Variants in APPL2 observed in about 807,000 individuals in gnomAD.
APPL2 encodes the protein adaptor protein, phosphotyrosine interacting with PH domain and leucine zipper 2, also known as DCC-interacting protein 13-beta.
Under a neutral mutation model 92.7 loss-of-function variants are expected in APPL2, and 84 were observed. That is an observed-to-expected ratio of 0.91 (90% confidence interval 0.76 to 1.09). The LOEUF (loss-of-function observed/expected upper bound fraction) is 1.09. Ranked by LOEUF, APPL2 falls within the 50% of genes least tolerant of loss-of-function variation. The pLI, the probability that APPL2 is intolerant of heterozygous loss-of-function variation, is 0.00. For missense variants in APPL2, 736 were observed against 824.5 expected, an observed-to-expected ratio of 0.89 and a Z score of 1.31; for synonymous variants, 291 against 291.0, an observed-to-expected ratio of 1.00 and a Z score of 0.00.
chr12:105,189,944 CAA>C (rs773173237), intron 15 of APPL2, 45 bp downstream of exon 15: 1 of 1,611,802 alleles, frequency 6.2e-7, no homozygotes, highest in East Asian at 2.2e-5. Flanking sequence ...CAAGATACCT[CAA>C]ATTTACTTTC....
intron 2 of APPL2, among the ~76,000 whole-genome samples, chr12:105,222,865 A>T (rs1890209362): frequency 6.6e-6 from 1 of 152,214 alleles, no homozygotes; most frequent in South Asian, 2.1e-4. Flanking sequence ...AAGGAAGAAA[A>T]GGTGTCAGAG....
At chr12:105,231,455 T>G (rs539950532) in intron 1 of APPL2, among the ~76,000 whole-genome samples, 1 of 152,312 alleles carries the variant, frequency 6.6e-6, no homozygotes, top group African/African-American at 2.4e-5. Context: ...CCAAGGTAGA[T>G]TCCATGGTTC....
At chr12:105,198,097 G>T (rs543209346) in intron 10 of APPL2, 144 bp from the exon 11 acceptor site, 21 of 763,874 alleles carry the variant, frequency 2.7e-5, no homozygotes, top group Non-Finnish European at 4.4e-5. Flanking sequence ...GCCCATTCAA[G>T]TGGAAAGAGC....
intron 19 of APPL2, 106 bp downstream of exon 19, chr12:105,176,770 A>G: frequency 7.1e-7 from 1 of 1,404,852 alleles, no homozygotes; most frequent in Non-Finnish European, 9.7e-7. Flanking sequence ...GGATGGAGAC[A>G]TGCAGAATAA....
chr12:105,235,928 G>C (rs948225358), intron 1 of APPL2, 31 bp downstream of exon 1: 10 of 1,235,790 alleles, frequency 8.1e-6, no homozygotes, highest in Non-Finnish European at 9.2e-6. Flanking sequence ...TCACCCCTGC[G>C]GGCGAGGGGC....
chr12:105,207,566 T>C (rs1162560843), intron 7 of APPL2, among the ~76,000 whole-genome samples: 1 of 152,332 alleles, frequency 6.6e-6, no homozygotes, highest in Non-Finnish European at 1.5e-5. Flanking sequence ...AAGGAAATCA[T>C]GTAACAGAAG....
Position 105,177,226 on chromosome 12 carries a change from A to T in APPL2, c.1671T>A (p.Asn557Lys). The change falls in exon 18 of 21, where the codon AAT becomes AAA. Residue 557 changes from asparagine (N) to lysine (K), a missense_variant and splice_region_variant. Transcript: ENST00000258530. ...ACATGAACCTGTATGCGGTACTTAC[A>T]TTGGCCCTTGATACTTGAGTCTGTG... Reference protein sequence around the residue: ...IDPQTQVSRANFELTSVTQFA... With the variant: ...IDPQTQVSRAKFELTSVTQFA... 1.9e-6 allele frequency: 3 copies of T among 1,613,988 alleles called. No homozygotes were observed. Among genetic ancestry groups the T allele is most frequent in the Non-Finnish European group, 2.5e-6 (3 of 1,179,846 alleles).
intron 19 of APPL2, 165 bp downstream of exon 19, chr12:105,176,711 C>T (rs1885578227): frequency 9.5e-6 from 8 of 845,008 alleles, no homozygotes; most frequent in African/African-American, 3.4e-5. Flanking sequence ...AAATTTAAAT[C>T]GAGTTTTCTT....
At chr12:105,195,750 AG>A in intron 11 of APPL2, 123 bp from the exon 12 acceptor site, 1 of 1,093,404 alleles carries the variant, frequency 9.1e-7, no homozygotes, top group Non-Finnish European at 1.4e-6. Context: ...GCATGATGAG[AG>A]GGAAAGAAAA....
intron 10 of APPL2, among the ~76,000 whole-genome samples, chr12:105,199,045 G>C (rs3829297): frequency 0.13 from 19,181 of 152,166 alleles, 1,325 homozygotes; most frequent in East Asian, 0.25. Flanking sequence ...CAGCTGGTGT[G>C]GGGGAAGTGG....
chr12:105,201,206 G>T (rs552000568), intron 9 of APPL2, among the ~76,000 whole-genome samples: 1 of 152,308 alleles, frequency 6.6e-6, no homozygotes, highest in South Asian at 2.1e-4. Context: ...ACTGCTCCTG[G>T]TCAGCCCCTC....
chr12:105,209,293 G>A (rs1032402738), intron 5 of APPL2, among the ~76,000 whole-genome samples: 2 of 152,000 alleles, frequency 1.3e-5, no homozygotes, highest in African/African-American at 4.8e-5. Context: ...GTATGACCTG[G>A]GGCCAAATAC....
At chr12:105,177,044 T>C (rs1338491360) in intron 18 of APPL2, 28 bp from the exon 19 acceptor site, 4 of 1,613,280 alleles carry the variant, frequency 2.5e-6, no homozygotes, top group Non-Finnish European at 3.4e-6. Context: ...AGGCAACAGA[T>C]CATACAACTA....
chr12:105,234,842 AAAAC>A (rs1157657357), intron 1 of APPL2, among the ~76,000 whole-genome samples: 16 of 152,294 alleles, frequency 1.1e-4, no homozygotes, highest in Non-Finnish European at 1.6e-4. Context: ...ACCAAAAAAC[AAAAC>A]AAACAAACAA....
chr12:105,227,586 C>T (rs1174157987), intron 2 of APPL2, among the ~76,000 whole-genome samples: 2 of 152,182 alleles, frequency 1.3e-5, no homozygotes, highest in Non-Finnish European at 1.5e-5. Flanking sequence ...TTGATTCATC[C>T]TTTACCACCT....
At chr12:105,232,138 C>CTATTTT (rs1241792515) in intron 1 of APPL2, among the ~76,000 whole-genome samples, 1 of 152,182 alleles carries the variant, frequency 6.6e-6, no homozygotes, top group Non-Finnish European at 1.5e-5. Flanking sequence ...AACTAAATAG[C>CTATTTT]TATTTTTATT....
rs1435348840 is a variant in APPL2 at position 105,190,033 on chromosome 12, A to C, written c.1364T>G (p.Val455Gly). The change falls in exon 15 of 21, where the codon GTG becomes GGG. Residue 455 changes from valine (V) to glycine (G), a missense_variant. Physicochemically the swap from Val to Gly is moderately radical, Grantham distance 109. Transcript: ENST00000258530. ...APGTPIQFDI[V>G]LPATEFLDQN... ...ATCAAGGAATTCTGTAGCAGGAAGC[A>C]CAATATCGAATTGAATCGGCGTTCC... 13 of 1,614,110 alleles carry C rather than the reference A, an allele frequency of 8.1e-6. No homozygotes were observed. The highest frequency in any genetic ancestry group is 1.1e-5 in the Non-Finnish European group (13 of 1,180,048).
At chr12:105,191,704 C>G (rs1460691654) in intron 14 of APPL2, among the ~76,000 whole-genome samples, 1 of 152,178 alleles carries the variant, frequency 6.6e-6, no homozygotes, top group Non-Finnish European at 1.5e-5. Flanking sequence ...CTCTAATGGA[C>G]ACTTCGCAGT....
intron 2 of APPL2, among the ~76,000 whole-genome samples, chr12:105,224,332 G>C (rs557161808): frequency 6.6e-6 from 1 of 152,282 alleles, no homozygotes; most frequent in Non-Finnish European, 1.5e-5. Context: ...AGTTATTCTG[G>C]GATACAAAAA....
Sources: gnomAD v4.1 joint callset for allele counts (sites outside exome capture counted in the v4.1 genomes callset) on GRCh38, gnomAD v4.1.1 for gene constraint, MANE v1.5 for transcripts, NCBI Gene and HGNC (gene_info 2026-07-23, HGNC 2026-07-21) for gene names.